Variants in LEMD1 observed in about 807,000 individuals in gnomAD.
LEMD1 encodes LEM domain containing 1, also known as LEM domain-containing protein 1.
A neutral mutation model predicts 17.4 loss-of-function variants in LEMD1; 18 were observed. That is an observed-to-expected ratio of 1.04 (90% CI 0.72 to 1.54). The LOEUF (loss-of-function observed/expected upper bound fraction) is 1.54, where lower values mean the gene tolerates loss of function less well. LEMD1 is among the 40% of genes most tolerant of loss of function. LEMD1 has a pLI of 0.00. For missense variants in LEMD1, 195 were observed against 210.4 expected (o/e 0.93, Z 0.45); for synonymous variants, 88 against 77.8 (o/e 1.13, Z -0.69).
intron 1 of LEMD1, among the ~76,000 whole-genome samples, chr1:205,429,112 T>C (rs1198339904): frequency 6.6e-6 from 1 of 152,228 alleles, no homozygotes; most frequent in East Asian, 1.9e-4. Flanking sequence ...CAATTCCAAG[T>C]GATCATCACC....
intron 4 of LEMD1, among the ~76,000 whole-genome samples, chr1:205,389,576 C>T (rs1014726969): frequency 6.6e-6 from 1 of 152,138 alleles, no homozygotes; most frequent in Non-Finnish European, 1.5e-5. Context: ...GACTCCTTAC[C>T]GCTGGACTTG....
intron 4 of LEMD1, among the ~76,000 whole-genome samples, chr1:205,396,720 C>T (rs1928445): frequency 0.53 from 80,101 of 151,846 alleles, 21,394 homozygotes; most frequent in South Asian, 0.6. Context: ...AAATGAAATA[C>T]AAAATCATGA....
intron 5 of LEMD1, among the ~76,000 whole-genome samples, chr1:205,382,665 C>T (rs1022705523): frequency 6.6e-6 from 1 of 152,198 alleles, no homozygotes; most frequent in African/African-American, 2.4e-5. Context: ...TGTATCACTT[C>T]TCAATGCCGG....
chr1:205,437,118 A>T (rs536424522), intron 1 of LEMD1: 3 of 152,590 alleles, frequency 2.0e-5, no homozygotes, highest in Admixed American at 1.3e-4. Flanking sequence ...TTCAGTCTGT[A>T]GACAGGACAA....
chr1:205,410,289 A>T (rs1665327355), intron 4 of LEMD1, among the ~76,000 whole-genome samples: 1 of 152,086 alleles, frequency 6.6e-6, no homozygotes, highest in Admixed American at 6.6e-5. Flanking sequence ...TCATGATAGG[A>T]TCTATGCCTT....
At chr1:205,432,991 A>G (rs1181607623) in intron 1 of LEMD1, among the ~76,000 whole-genome samples, 1 of 152,320 alleles carries the variant, frequency 6.6e-6, no homozygotes, top group Non-Finnish European at 1.5e-5. Flanking sequence ...AGCCTGGGCA[A>G]CAGAGCAAGA....
chr1:205,392,780 G>A lies in LEMD1; in HGVS notation c.271-8416C>T, dbSNP rs527802974. On this transcript the variant is annotated intron_variant, in intron 4 of 5. Coordinates refer to ENST00000367153, the MANE Select transcript of LEMD1 (RefSeq NM_001199050.2). ...CTAAAGGAGAGAAGAATGAGGTGGG[G>A]CTAAAAAATTTTTTGAAGAAATAAT... Among the ~76,000 whole-genome samples, 17 of 152,226 alleles carry A rather than the reference G, an allele frequency of 1.1e-4. No individual in the cohort carries two copies. In the South Asian group the frequency reaches 1.7e-3, roughly 15 times the overall value.
chr1:205,389,037 C>CTTTTTTTTTTTT lies in LEMD1; in HGVS notation c.271-4685_271-4674dup, dbSNP rs61341380. On this transcript the variant is annotated intron_variant, in intron 4 of 5. Transcript: ENST00000367153. ...AATCACCAAAAAGTACATTTGCTTT[C>CTTTTTTTTTTTT]TTTTTTTTTTTTTTTTTTTTTTTTT... is the stretch of plus-strand genomic sequence containing the variant. Among the ~76,000 whole-genome samples the CTTTTTTTTTTTT allele has an allele frequency of 5.0e-4, 39 of 77,848 alleles. 3 individuals are homozygous for CTTTTTTTTTTTT. Among genetic ancestry groups the CTTTTTTTTTTTT allele is most frequent in the Non-Finnish European group, 5.7e-4 (24 of 42,200 alleles). The allele number at this position is 77,848 out of a possible 152,430, so 51.1% of individuals were successfully genotyped here.
At chr1:205,403,965 T>C (rs1426944563) in intron 4 of LEMD1, among the ~76,000 whole-genome samples, 1 of 152,186 alleles carries the variant, frequency 6.6e-6, no homozygotes, top group Non-Finnish European at 1.5e-5. Flanking sequence ...ATGTACCCAG[T>C]AGTCATTCAG....
In LEMD1 at chr1:205,400,845, C is replaced by CCG. The variant is rs1553393655; in HGVS notation, c.270+15386_270+15387insCG. Among the ~76,000 whole-genome samples the CCG allele has an allele frequency of 3.9e-5, 2 of 51,576 alleles. 1 individual carries two copies. The highest frequency in any genetic ancestry group is 1.0e-3 in the East Asian group (2 of 1,982). 33.8% of individuals were successfully genotyped at this position (51,576 alleles called of 152,430 possible). On this transcript the variant is annotated intron_variant, in intron 4 of 5. Transcript: ENST00000367153. The stretch of plus-strand genomic sequence containing the variant: ...GGTATATCTCCTAATGCTATCCCTC[C>CCG]CCCCCCCCACCCCACAACAGTCACC...
intron 4 of LEMD1, among the ~76,000 whole-genome samples, chr1:205,396,593 CT>C (rs201543869): frequency 0.21 from 32,251 of 151,920 alleles, 3,561 homozygotes; most frequent in Middle Eastern, 0.28. Context: ...TCCAATAATT[CT>C]ATATAGCAGT....
chr1:205,401,027 C>G (rs1202999284), intron 4 of LEMD1, among the ~76,000 whole-genome samples: 1 of 151,664 alleles, frequency 6.6e-6, no homozygotes, highest in Non-Finnish European at 1.5e-5. Context: ...GACATGAACT[C>G]ATCATTTTTT....
At chr1:205,411,649 G>GGAAGGAAGGAAGGA (rs1665444861) in intron 4 of LEMD1, among the ~76,000 whole-genome samples, 2 of 102,998 alleles carry the variant, frequency 1.9e-5, no homozygotes, top group Non-Finnish European at 4.1e-5. Flanking sequence ...AAAAGAGAAA[G>GGAAGGAAGGAAGGA]AAAGGAAAGA....
upstream of LEMD1, among the ~76,000 whole-genome samples, chr1:205,423,387 C>T (rs943261640): frequency 6.6e-6 from 1 of 152,196 alleles, no homozygotes; most frequent in African/African-American, 2.4e-5. Context: ...TTAGGAGGCA[C>T]AAGCATTTTG....
chr1:205,415,582 C>T (rs1665658807), intron 4 of LEMD1, among the ~76,000 whole-genome samples: 1 of 152,188 alleles, frequency 6.6e-6, no homozygotes, highest in Non-Finnish European at 1.5e-5. Flanking sequence ...AGAGTTGGCA[C>T]CTTGGAGTTC....
At chr1:205,447,604 G>A (rs939274426) in intron 1 of LEMD1, among the ~76,000 whole-genome samples, 5 of 152,080 alleles carry the variant, frequency 3.3e-5, no homozygotes, top group Non-Finnish European at 7.4e-5. Context: ...TGGGAGTGGC[G>A]ACAGGCATAG....
intron 4 of LEMD1, among the ~76,000 whole-genome samples, chr1:205,407,103 G>T (rs183681231): frequency 2.9e-3 from 444 of 152,154 alleles, no homozygotes; most frequent in African/African-American, 7.0e-3. Flanking sequence ...AGCCTGAGGC[G>T]GGTGGATCAC....
chr1:205,387,945 A>G (rs975055008), intron 4 of LEMD1, among the ~76,000 whole-genome samples: 2 of 152,214 alleles, frequency 1.3e-5, no homozygotes, highest in Non-Finnish European at 2.9e-5. Flanking sequence ...AACTAATTTC[A>G]TTCTCAAAAC....
intron 1 of LEMD1, among the ~76,000 whole-genome samples, chr1:205,443,892 G>GCTACCACACAGTT (rs1666338609): frequency 6.6e-6 from 1 of 152,146 alleles, no homozygotes; most frequent in Non-Finnish European, 1.5e-5. Flanking sequence ...GCAGGTACCT[G>GCTACCACACAGTT]GGGAGTCCCT....
Sources: gnomAD v4.1 joint callset for allele counts (sites outside exome capture counted in the v4.1 genomes callset) on GRCh38, gnomAD v4.1.1 for gene constraint, MANE v1.5 for transcripts, NCBI Gene and HGNC (gene_info 2026-07-23, HGNC 2026-07-21) for gene names.